Variants in MTCL2 observed in about 807,000 individuals in gnomAD.
MTCL2 encodes the protein microtubule cross-linking factor 2.
the MTCL2 span, among the ~76,000 whole-genome samples, chr20:36,850,304 G>A: frequency 3.0e-4 from 46 of 152,126 alleles, no homozygotes; most frequent in South Asian, 1.9e-3. Context: ...CGAGACGGAC[G>A]GATTACTTGA....
the MTCL2 span, chr20:36,863,451 T>A: frequency 1.2e-6 from 1 of 850,354 alleles, no homozygotes; most frequent in Non-Finnish European, 1.5e-6. The surrounding 1 kb of genome is among the most constrained non-coding windows in gnomAD (Gnocchi z 6.2). Context: ...GGGCTGCGGC[T>A]GCTCTCGGCC....
chr20:36,786,443 C>A, the MTCL2 span: 1 of 1,502,264 alleles, frequency 6.7e-7, no homozygotes, highest in Non-Finnish European at 8.9e-7. Flanking sequence ...CTTCTGCTAT[C>A]CAGGGGCTGG....
chr20:36,805,878 G>A, the MTCL2 span: 405 of 1,613,092 alleles, frequency 2.5e-4, 1 homozygote, highest in Middle Eastern at 2.5e-3. Flanking sequence ...GCTGTCCCCC[G>A]TGCAGGCCTT....
At chr20:36,847,841 G>C in the MTCL2 span, among the ~76,000 whole-genome samples, 2 of 128,972 alleles carry the variant, frequency 1.6e-5, no homozygotes, top group Non-Finnish European at 3.1e-5. Flanking sequence ...GTGACACAGA[G>C]ACAGTCTGAC....
the MTCL2 span, among the ~76,000 whole-genome samples, chr20:36,850,372 A>G: frequency 1.3e-5 from 2 of 152,228 alleles, no homozygotes; most frequent in South Asian, 4.1e-4. Context: ...ATAAAAATAC[A>G]AAAAATTAGC....
chr20:36,862,644 C>G, the MTCL2 span: 1 of 1,491,208 alleles, frequency 6.7e-7, no homozygotes. Context: ...CCCTTTCTAC[C>G]CGGGCGCCCC....
chr20:36,810,068 T>G, the MTCL2 span: 10 of 1,599,224 alleles, frequency 6.3e-6, no homozygotes, highest in Non-Finnish European at 8.5e-6. Context: ...CCCCGGAGGC[T>G]GTCGTGGGCC....
the MTCL2 span, among the ~76,000 whole-genome samples, chr20:36,845,903 A>G: frequency 6.6e-6 from 1 of 152,070 alleles, no homozygotes; most frequent in Admixed American, 6.5e-5. Context: ...CAGACAGCTC[A>G]GTGGTTCTGA....
At chr20:36,846,041 A>G in the MTCL2 span, among the ~76,000 whole-genome samples, 1 of 152,120 alleles carries the variant, frequency 6.6e-6, no homozygotes, top group African/African-American at 2.4e-5. Context: ...CCTTGTCTCT[A>G]CTAAAAATAT....
chr20:36,795,063 G>A, the MTCL2 span, among the ~76,000 whole-genome samples: 54 of 151,948 alleles, frequency 3.6e-4, no homozygotes, highest in African/African-American at 9.4e-4. Flanking sequence ...CTCAGCATCC[G>A]GAGCAGATGA....
the MTCL2 span, chr20:36,817,487 T>TAAAA: frequency 1.7e-5 from 22 of 1,331,714 alleles, no homozygotes; most frequent in African/African-American, 2.5e-4. Flanking sequence ...GAGATTTAAT[T>TAAAA]AAAAAAAAAA....
chr20:36,850,869 C>G, the MTCL2 span, among the ~76,000 whole-genome samples: 1 of 152,222 alleles, frequency 6.6e-6, no homozygotes, highest in Non-Finnish European at 1.5e-5. Context: ...CAATAGAATA[C>G]TACTCAGCGA....
the MTCL2 span, among the ~76,000 whole-genome samples, chr20:36,847,286 T>C: frequency 0.33 from 50,935 of 152,144 alleles, 9,004 homozygotes; most frequent in Middle Eastern, 0.44. Flanking sequence ...CTATTCCCTC[T>C]GCTAGAACGG....
the MTCL2 span, among the ~76,000 whole-genome samples, chr20:36,797,743 G>A: frequency 6.6e-6 from 1 of 152,218 alleles, no homozygotes; most frequent in Non-Finnish European, 1.5e-5. Context: ...ACTCTGCCTG[G>A]TGGATTTGGA....
At chr20:36,794,847 C>A in the MTCL2 span, 2 of 537,956 alleles carry the variant, frequency 3.7e-6, no homozygotes, top group South Asian at 2.1e-5. The surrounding 1 kb of genome is among the most constrained non-coding windows in gnomAD (Gnocchi z 5.4). Flanking sequence ...TAGCTCACTG[C>A]AGCCTCAAAC....
the MTCL2 span, among the ~76,000 whole-genome samples, chr20:36,855,619 G>A: frequency 6.6e-6 from 1 of 152,132 alleles, no homozygotes; most frequent in African/African-American, 2.4e-5. Context: ...GCCCTTGCTT[G>A]AACTTAGCTG....
chr20:36,857,021 G>A, the MTCL2 span, among the ~76,000 whole-genome samples: 30 of 152,368 alleles, frequency 2.0e-4, no homozygotes, highest in African/African-American at 7.2e-4. Flanking sequence ...GCCTCGGGTA[G>A]GTGTGCAAGT....
chr20:36,785,985 C>T, the MTCL2 span: 6 of 986,870 alleles, frequency 6.1e-6, no homozygotes, highest in African/African-American at 5.2e-5. Context: ...TGATGCCCAA[C>T]AGGGCTCCAC....
chr20:36,862,901 G>A, the MTCL2 span: 24 of 1,244,712 alleles, frequency 1.9e-5, no homozygotes, highest in East Asian at 6.3e-4. Flanking sequence ...CCGGGCCCCC[G>A]GCCGCGGACT....
Sources: gnomAD v4.1 joint callset for allele counts (sites outside exome capture counted in the v4.1 genomes callset) on GRCh38, gnomAD v4.1.1 for gene constraint, Gnocchi (gnomAD v3.1) non-coding constraint, MANE v1.5 for transcripts, NCBI Gene and HGNC (gene_info 2026-07-23, HGNC 2026-07-21) for gene names.